The following LYST variants were observed in gnomAD, a reference collection of about 807,000 sequenced individuals.
The protein encoded by LYST is lysosomal-trafficking regulator.
In LYST, 192 loss-of-function variants were observed where a neutral mutation model predicts 413.6. That is an observed-to-expected ratio of 0.46 (90% CI 0.41 to 0.52). LYST has a LOEUF of 0.52. LYST is among the 20% of genes least tolerant of loss of function. The pLI, the probability that LYST is intolerant of heterozygous loss-of-function variation, is 0.00. For missense variants in LYST, 3,815 were observed against 4,499.9 expected (o/e 0.85, Z 4.35); for synonymous variants, 1,525 against 1,567.3 (o/e 0.97, Z 0.64).
At position 235,787,373 on chromosome 1, in the gene LYST, A is replaced by T; in HGVS notation, c.4689T>A (p.Arg1563=). ...ADPHNATLIF[R]VCMDSNDDMK... is the part of the protein sequence containing the mutation. ...TGTCATCATTTGAATCCATGCACAC[A>T]CTACAGAAAAAGAGAAAAGGCATAG... Residue 1563 remains arginine (R), a splice_region_variant and synonymous_variant, in exon 14 of 53, where the codon CGT becomes CGA. Coordinates refer to ENST00000389793, the MANE Select transcript of LYST (RefSeq NM_000081.4). 6.2e-7 allele frequency: 1 copy of T among 1,613,392 alleles called. No homozygotes were observed.
At chr1:235,738,423 T>C (rs763192611) in intron 31 of LYST, 14 of 1,613,388 alleles carry the variant, frequency 8.7e-6, no homozygotes, top group Middle Eastern at 3.3e-4. Flanking sequence ...CCAGTGGATA[T>C]CTTTGACCTA....
rs868326024 is a variant in LYST at position 235,729,650 on chromosome 1, G to A, written c.9052C>T (p.Arg3018Ter). 2 of 1,602,628 alleles carry A rather than the reference G, an allele frequency of 1.2e-6. No individual in the cohort carries two copies. Among genetic ancestry groups the A allele is most frequent in the Non-Finnish European group, 8.5e-7 (1 of 1,169,854 alleles). Residue 3018 changes from arginine (R) to a stop codon, truncating the protein, a stop_gained, in exon 37 of 53, where the codon CGA becomes TGA. Transcript: ENST00000389793. LOFTEE classifies it high-confidence loss of function. ...KAASESIRVN[R>*]RCISVAPSRE... ...GATGGTGCAACACTGATGCATCTTC[G>A]ATTCACTCTGTCAAAACATATTTAA...
chr1:235,736,510 T>C (rs1664831072), intron 31 of LYST: 1 of 151,850 alleles, frequency 6.6e-6, no homozygotes, highest in Non-Finnish European at 1.5e-5. Flanking sequence ...TGTGAAGAGG[T>C]TGCAAGACAC....
intron 34 of LYST, among the ~76,000 whole-genome samples, chr1:235,731,543 T>C (rs1428348771): frequency 1.3e-5 from 2 of 151,008 alleles, no homozygotes; most frequent in Non-Finnish European, 2.9e-5. Flanking sequence ...ATTTTTTACA[T>C]TTCCCATTTT....
Position 235,777,243 on chromosome 1 carries a change from A to C in LYST, c.5280T>G (p.Ile1760Met), listed in dbSNP as rs1317818858. Residue 1760 changes from isoleucine to methionine, a missense_variant, in exon 17 of 53, where the codon ATT (isoleucine) becomes ATG (methionine). Physicochemically the swap from Ile to Met is conservative, Grantham distance 10. Coordinates refer to ENST00000389793, the MANE Select transcript of LYST (RefSeq NM_000081.4). ...PAQYTIYEPVIRLKGQMKTQL... is the reference protein window; with the variant it reads ...PAQYTIYEPVMRLKGQMKTQL... ...GGGTTTTCATTTGACCTTTAAGTCTAATCACTGGTTCATAGATGGTATACT... is the reference window on the plus strand; with the variant it reads ...GGGTTTTCATTTGACCTTTAAGTCTCATCACTGGTTCATAGATGGTATACT... 1.2e-6 allele frequency: 2 copies of C among 1,613,208 alleles called. No individual in the cohort carries two copies. The highest frequency in any genetic ancestry group is 1.7e-6 in the Non-Finnish European group (2 of 1,179,356).
At chr1:235,799,921 TGGAAGCC>T (rs1672012409) in intron 10 of LYST, among the ~76,000 whole-genome samples, 1 of 130,818 alleles carries the variant, frequency 7.6e-6, no homozygotes, top group African/African-American at 2.8e-5. Flanking sequence ...ACTATGCCAA[TGGAAGCC>T]TTTTTTTTTT....
chr1:235,665,046 G>A (rs750267847), intron 50 of LYST, among the ~76,000 whole-genome samples: 6 of 151,968 alleles, frequency 3.9e-5, no homozygotes, highest in Admixed American at 6.6e-5. Flanking sequence ...AGCCCACCTC[G>A]GCCTCCCAAA....
At chr1:235,784,679 T>C (rs1195052805) in intron 14 of LYST, among the ~76,000 whole-genome samples, 1 of 152,202 alleles carries the variant, frequency 6.6e-6, no homozygotes, top group Non-Finnish European at 1.5e-5. Context: ...GAGGATTAAA[T>C]CAGGTAATCT....
At chr1:235,857,095 G>A (rs1006199845) in intron 1 of LYST, among the ~76,000 whole-genome samples, 7 of 151,904 alleles carry the variant, frequency 4.6e-5, no homozygotes, top group African/African-American at 1.2e-4. Flanking sequence ...ACAGGTGTGC[G>A]TCACCACACC....
At chr1:235,826,335 A>G (rs1262312690) in intron 3 of LYST, among the ~76,000 whole-genome samples, 1 of 152,258 alleles carries the variant, frequency 6.6e-6, no homozygotes, top group African/African-American at 2.4e-5. Context: ...GGAATGTTCA[A>G]AGCAGCTTTA....
At chr1:235,780,760 G>A (rs1285105055) in intron 16 of LYST, 105 bp downstream of exon 16, 1 of 447,012 alleles carries the variant, frequency 2.2e-6, no homozygotes, top group Non-Finnish European at 3.9e-6. Context: ...AAATGATAAG[G>A]AACCACATTA....
intron 21 of LYST, 127 bp from the exon 22 acceptor site, chr1:235,762,978 A>T: frequency 1.4e-6 from 1 of 705,832 alleles, no homozygotes; most frequent in South Asian, 1.6e-5. Context: ...AATATATAGC[A>T]TACTTTATAT....
intron 42 of LYST, among the ~76,000 whole-genome samples, chr1:235,714,821 A>C (rs1662695613): frequency 6.6e-6 from 1 of 152,258 alleles, no homozygotes; most frequent in Admixed American, 6.5e-5. Context: ...AATAAACTGC[A>C]ATAATGTACA....
chr1:235,873,420 A>T (rs1681021258), intron 1 of LYST, among the ~76,000 whole-genome samples: 2 of 152,224 alleles, frequency 1.3e-5, no homozygotes, highest in East Asian at 3.8e-4. Flanking sequence ...ATGCTATAGT[A>T]ATAAACTCAA....
chr1:235,842,616 T>G (rs1677345328), intron 1 of LYST, among the ~76,000 whole-genome samples: 1 of 152,220 alleles, frequency 6.6e-6, no homozygotes, highest in Non-Finnish European at 1.5e-5. Flanking sequence ...TGGCGTGGCC[T>G]CTCTCTCAGG....
At chr1:235,687,923 TC>T (rs897234256) in intron 47 of LYST, among the ~76,000 whole-genome samples, 1 of 152,182 alleles carries the variant, frequency 6.6e-6, no homozygotes. Context: ...CTTGCTGGCT[TC>T]CCCCCTTGCA....
At chr1:235,738,697 A>G (rs1213702653) in intron 31 of LYST, 6 of 1,606,234 alleles carry the variant, frequency 3.7e-6, no homozygotes, top group Non-Finnish European at 5.1e-6. Context: ...GTTCACAAGC[A>G]GGTGGTTGAG....
At chr1:235,821,832 C>A (rs758523338) in intron 3 of LYST, among the ~76,000 whole-genome samples, 1 of 152,256 alleles carries the variant, frequency 6.6e-6, no homozygotes, top group South Asian at 2.1e-4. Flanking sequence ...TTCTGCCCCA[C>A]CTCCCCTGCA....
intron 50 of LYST, among the ~76,000 whole-genome samples, chr1:235,666,020 T>C (rs1289107480): frequency 6.9e-6 from 1 of 145,010 alleles, no homozygotes; most frequent in Non-Finnish European, 1.5e-5. Context: ...TTTGCTTCTG[T>C]CTTTTATTAA....
Sources: allele counts gnomAD v4.1 joint callset (sites outside exome capture counted in the v4.1 genomes callset), GRCh38; gene constraint gnomAD v4.1.1; transcripts MANE v1.5; gene names NCBI Gene and HGNC (gene_info 2026-07-23, HGNC 2026-07-21).